Variants in LRRC25 observed in about 807,000 individuals in gnomAD.
LRRC25 encodes leucine rich repeat containing 25, also known as leucine-rich repeat-containing protein 25.
Under a neutral mutation model 18.8 loss-of-function variants are expected in LRRC25, and 5 were observed. The ratio of observed to expected loss-of-function variants is 0.27; its 90% CI spans 0.14 to 0.56. LRRC25 has a LOEUF of 0.56. LRRC25 is among the 20% of genes least tolerant of loss of function. The pLI is 0.93. For synonymous variants in LRRC25, 161 were observed against 176.8 expected (o/e 0.91, Z 0.71); for missense variants, 341 against 389.8 (o/e 0.87, Z 1.05).
In LRRC25 at chr19:18,397,352, G is replaced by A; in HGVS notation, c.-389C>T. ...TATCTCCCAGAACGGCGGGTCGCTG[G>A]GAAGTCCTGGGATAGGGTGGAGTGG... On this transcript the variant is annotated 5_prime_UTR_variant, in exon 1 of 2. Transcript: ENST00000339007. 4.0e-6 allele frequency: 1 copy of A among 252,548 alleles called. No individual in the cohort carries two copies. Among genetic ancestry groups the A allele is most frequent in the South Asian group, 6.1e-5 (1 of 16,378 alleles). The allele number at this position is 252,548 out of a possible 1,614,324, so 15.6% of individuals were successfully genotyped here.
Position 18,396,351 on chromosome 19 carries a change from A to C in LRRC25, c.613T>G (p.Trp205Gly). 7 of 1,613,828 alleles carry C rather than the reference A, an allele frequency of 4.3e-6. No homozygotes were observed. Among genetic ancestry groups the C allele is most frequent in the Non-Finnish European group, 5.9e-6 (7 of 1,180,006 alleles). Residue 205 changes from tryptophan (W) to glycine (G), a missense_variant, in exon 1 of 2, where the codon TGG (tryptophan) becomes GGG (glycine). Coordinates refer to ENST00000339007, the MANE Select transcript of LRRC25 (RefSeq NM_145256.3). ...GGCTTGGGCCCATCCTGAGCAGCCC[A>C]GGGTTTGTTCAGCTCCCGGCTTCTG... ...VARSRELNKP[W>G]AAQDGPKPGL...
chr19:18,394,308 C>CTT (rs34809770), intron 1 of LRRC25, among the ~76,000 whole-genome samples: 33 of 125,476 alleles, frequency 2.6e-4, no homozygotes, highest in African/African-American at 8.2e-4. Flanking sequence ...TTCTTTCTTT[C>CTT]TTTTTTTTTT....
Position 18,396,466 on chromosome 19 carries a change from G to A in LRRC25, c.498C>T (p.Ile166=), listed in dbSNP as rs371515786. ...GGCACCCGCTGACCACCACTGCCCC[G>A]ATAGTTGCAGAGGCCAGGCCAGGGG... The part of the protein sequence containing the change: ...SCAPGLASAT[I]GAVVVSGCLL... The change falls in exon 1 of 2, where the codon ATC becomes ATT. Residue 166 remains isoleucine, a synonymous_variant. Transcript: ENST00000339007. The A allele has an allele frequency of 9.9e-6, 16 of 1,613,428 alleles. No individual in the cohort carries two copies. The highest frequency in any genetic ancestry group is 2.2e-5 in the South Asian group (2 of 91,092).
In LRRC25 at chr19:18,396,575, T is replaced by A; in HGVS notation, c.389A>T (p.Asn130Ile). 1.9e-6 allele frequency: 3 copies of A among 1,613,788 alleles called. No homozygotes were observed. Among genetic ancestry groups the A allele is most frequent in the Non-Finnish European group, 2.5e-6 (3 of 1,180,022 alleles). The change falls in exon 1 of 2, where the codon AAC becomes ATC. Residue 130 changes from asparagine to isoleucine, a missense_variant. Asn to Ile is a moderately radical substitution (Grantham distance 149). Transcript: ENST00000339007. ...GAGCAGAGGCTTCTGGCCAGAGCAG[T>A]TGTCTCGGCGGATGTCGTGCCAGGA... ...LESWHDIRRD[N>I]CSGQKPLLCW...
intron 1 of LRRC25, 80 bp from the exon 2 acceptor site, chr19:18,392,205 A>G: frequency 6.8e-7 from 1 of 1,478,336 alleles, no homozygotes; most frequent in Admixed American, 1.7e-5. Context: ...GAGAAAGTCC[A>G]GAGTGGGCCA....
intron 1 of LRRC25, among the ~76,000 whole-genome samples, chr19:18,394,408 T>C (rs1971942025): frequency 6.6e-6 from 1 of 151,092 alleles, no homozygotes; most frequent in Non-Finnish European, 1.5e-5. Context: ...TGGGTTCAAG[T>C]GATTCTTCTT....
Position 18,396,727 on chromosome 19 carries a change from GGTCA to G in LRRC25, c.233_236del (p.Val78AlafsTer12). On this transcript the variant is annotated frameshift_variant, in exon 1 of 2. Coordinates refer to ENST00000339007, the MANE Select transcript of LRRC25 (RefSeq NM_145256.3). LOFTEE classifies it high-confidence loss of function. ...CAAGCTTCTGCAGGTGGGCAAAGAA[GGTCA>G]CTGGAAGCTCTCGCAGGCCGTTCCC... 6.2e-7 allele frequency: 1 copy of G among 1,614,168 alleles called. No individual in the cohort carries two copies. Among genetic ancestry groups the G allele is most frequent in the Non-Finnish European group, 8.5e-7 (1 of 1,180,034 alleles).
At chr19:18,394,612 T>A (rs1971944986) in intron 1 of LRRC25, among the ~76,000 whole-genome samples, 2 of 152,246 alleles carry the variant, frequency 1.3e-5, no homozygotes, top group South Asian at 4.1e-4. Context: ...GCCTAATTTT[T>A]GTATTTTTTA....
At position 18,397,041 on chromosome 19, in the gene LRRC25, G is replaced by GTTT; in HGVS notation, c.-81_-79dup. The GTTT allele has an allele frequency of 7.0e-7, 1 of 1,420,914 alleles. No individual in the cohort carries two copies. Among genetic ancestry groups the GTTT allele is most frequent in the Middle Eastern group, 2.3e-4 (1 of 4,338 alleles). The allele number at this position is 1,420,914 out of a possible 1,614,324, so 88.0% of individuals were successfully genotyped here. ...GGTCGCCCTCGCCTCCACCGCCAGT[G>GTTT]TTTATTATTATAGCTCAGACCAGCT... On this transcript the variant is annotated 5_prime_UTR_variant, in exon 1 of 2. Transcript: ENST00000339007.
intron 1 of LRRC25, among the ~76,000 whole-genome samples, chr19:18,395,220 A>C (rs1361152320): frequency 1.3e-5 from 2 of 151,772 alleles, no homozygotes; most frequent in African/African-American, 4.8e-5. Flanking sequence ...AAATACAAAA[A>C]ATTAGCCTGG....
chr19:18,394,300 CTTTCTTTCT>C (rs1349501391), intron 1 of LRRC25, among the ~76,000 whole-genome samples: 1 of 137,788 alleles, frequency 7.3e-6, no homozygotes, highest in African/African-American at 3.0e-5. Context: ...TTTTTTCTTT[CTTTCTTTCT>C]TTTTTTTTTT....
intron 1 of LRRC25, 36 bp downstream of exon 1, chr19:18,396,149 T>C: frequency 6.4e-7 from 1 of 1,554,758 alleles, no homozygotes; most frequent in East Asian, 2.3e-5. Flanking sequence ...GCCTTATTAT[T>C]CACCACTTTG....
chr19:18,394,112 C>T (rs1476340307), intron 1 of LRRC25, among the ~76,000 whole-genome samples: 6 of 152,038 alleles, frequency 3.9e-5, no homozygotes, highest in South Asian at 2.1e-4. Context: ...GGCCGCGGCC[C>T]CTTCCTGCTT....
At chr19:18,393,608 G>T (rs189290784) in intron 1 of LRRC25, among the ~76,000 whole-genome samples, 1 of 126,102 alleles carries the variant, frequency 7.9e-6, no homozygotes, top group South Asian at 2.3e-4. Flanking sequence ...GCGACAGAGC[G>T]GGAAAAAAAA....
At chr19:18,393,164 G>A (rs1568332672) in intron 1 of LRRC25, among the ~76,000 whole-genome samples, 1 of 152,180 alleles carries the variant, frequency 6.6e-6, no homozygotes, top group Non-Finnish European at 1.5e-5. Flanking sequence ...AACTGACTTT[G>A]TGGCCCTCAT....
intron 1 of LRRC25, among the ~76,000 whole-genome samples, chr19:18,392,400 G>A (rs1971913270): frequency 6.6e-6 from 1 of 152,134 alleles, no homozygotes; most frequent in African/African-American, 2.4e-5. Context: ...TCTGAGGCAG[G>A]AGAATCACTT....
intron 1 of LRRC25, among the ~76,000 whole-genome samples, 163 bp downstream of exon 1, chr19:18,396,022 T>C (rs1971963298): frequency 6.6e-6 from 1 of 152,102 alleles, no homozygotes; most frequent in South Asian, 2.1e-4. Context: ...TGTCCAGTCC[T>C]CTCCCCATTT....
Position 18,396,766 on chromosome 19 carries a change from A to G in LRRC25, c.198T>C (p.Leu66=). The G allele has an allele frequency of 6.2e-7, 1 of 1,614,128 alleles. No homozygotes were observed. Among genetic ancestry groups the G allele is most frequent in the Non-Finnish European group, 8.5e-7 (1 of 1,180,028 alleles). ...CTCGCAGGCCGTTCCCAGACAGGTC[A>G]AGGAGAATCACGTTGCTGGCCCGCA... The part of the protein sequence containing the change: ...QSLRASNVIL[L]DLSGNGLREL... Residue 66 remains leucine, a synonymous_variant, in exon 1 of 2, where the codon CTT becomes CTC. Coordinates refer to ENST00000339007, the MANE Select transcript of LRRC25 (RefSeq NM_145256.3).
chr19:18,391,835 G>A lies in LRRC25; in HGVS notation c.*152C>T. The stretch of plus-strand genomic sequence containing the variant: ...TGAGGAGCGGCATGAGGGACAGGGA[G>A]GGGGCGGCAGAGCTTCCTGGGGCCT... On this transcript the variant is annotated 3_prime_UTR_variant, in exon 2 of 2. Transcript: ENST00000339007. The A allele has an allele frequency of 1.2e-6, 1 of 854,998 alleles. No homozygotes were observed. The highest frequency in any genetic ancestry group is 1.8e-6 in the Non-Finnish European group (1 of 562,296). The allele number at this position is 854,998 out of a possible 1,614,324, so 53.0% of individuals were successfully genotyped here.
Sources: allele counts gnomAD v4.1 joint callset (sites outside exome capture counted in the v4.1 genomes callset), GRCh38; gene constraint gnomAD v4.1.1; transcripts MANE v1.5; gene names NCBI Gene and HGNC (gene_info 2026-07-23, HGNC 2026-07-21).